The following PSMB1 variants were observed in gnomAD, a reference collection of about 807,000 sequenced individuals.
PSMB1 encodes the protein proteasome 20S subunit beta 1, also known as proteasome subunit beta type-1.
In PSMB1, 7 loss-of-function variants were observed where a neutral mutation model predicts 25.4. The ratio of observed to expected loss-of-function variants is 0.28; its 90% CI spans 0.16 to 0.52. The LOEUF (loss-of-function observed/expected upper bound fraction) is 0.52, where lower values mean the gene tolerates loss of function less well. Ranked by LOEUF, PSMB1 falls within the 20% of genes least tolerant of loss-of-function variation. PSMB1 has a pLI of 0.97. For synonymous variants in PSMB1, 119 were observed against 115.0 expected (o/e 1.03, Z -0.22); for missense variants, 284 against 302.2 (o/e 0.94, Z 0.45).
intron 4 of PSMB1, among the ~76,000 whole-genome samples, chr6:170,541,435 T>C (rs1009791171): frequency 1.2e-4 from 19 of 152,260 alleles, no homozygotes; most frequent in Non-Finnish European, 2.8e-4. Context: ...AAAAGTGTAA[T>C]GTGTTAAAGG....
chr6:170,543,530 T>C, intron 4 of PSMB1, 71 bp downstream of exon 4: 1 of 1,397,088 alleles, frequency 7.2e-7, no homozygotes, highest in South Asian at 1.4e-5. Context: ...TTTTCAACTC[T>C]AGATGGATAC....
chr6:170,542,280 T>A (rs765725656), intron 4 of PSMB1, among the ~76,000 whole-genome samples: 3 of 152,160 alleles, frequency 2.0e-5, no homozygotes, highest in Non-Finnish European at 4.4e-5. Context: ...AAAACGCTCA[T>A]GGAACAGAAA....
At chr6:170,552,202 C>A (rs904805375) in intron 1 of PSMB1, among the ~76,000 whole-genome samples, 41 of 152,202 alleles carry the variant, frequency 2.7e-4, no homozygotes, top group African/African-American at 9.7e-4. Flanking sequence ...CAGGTGCGAG[C>A]CACACTGCCC....
At chr6:170,536,007 G>A (rs1469900307) in intron 5 of PSMB1, among the ~76,000 whole-genome samples, 5 of 152,162 alleles carry the variant, frequency 3.3e-5, no homozygotes, top group African/African-American at 4.8e-5. Context: ...CAGAAAGGAT[G>A]TTAGGAAATA....
At chr6:170,543,521 T>C in intron 4 of PSMB1, 80 bp downstream of exon 4, 1 of 1,318,660 alleles carries the variant, frequency 7.6e-7, no homozygotes, top group Non-Finnish European at 1.0e-6. Flanking sequence ...TTATGGTTCT[T>C]TTCAACTCTA....
intron 4 of PSMB1, among the ~76,000 whole-genome samples, chr6:170,538,046 A>T (rs775747749): frequency 6.6e-6 from 1 of 152,202 alleles, no homozygotes; most frequent in Non-Finnish European, 1.5e-5. Context: ...GAATAAGAAA[A>T]CTATTTGTAC....
intron 4 of PSMB1, among the ~76,000 whole-genome samples, chr6:170,540,639 CAT>C (rs1272735443): frequency 1.8e-5 from 2 of 112,474 alleles, no homozygotes; most frequent in Admixed American, 8.8e-5. Flanking sequence ...AAGCCTCTAA[CAT>C]AGAAGACAGA....
At position 170,536,409 on chromosome 6, in the gene PSMB1, C is replaced by T. The variant is rs1038363177; in HGVS notation, c.540+825G>A. The T allele has an allele frequency of 6.6e-6, 3 of 453,378 alleles. No individual in the cohort carries two copies. The Admixed American group carries it at 7.2e-5, about 11-fold the overall frequency. 28.1% of individuals were successfully genotyped at this position (453,378 alleles called of 1,614,324 possible). ...ATTATAAACCTTAAATAACAAGTGG[C>T]CCAAACAAAGCACTATTAGTGATGC... On this transcript the variant is annotated intron_variant, in intron 5 of 5. Transcript: ENST00000262193.
Position 170,553,251 on chromosome 6 carries a change from T to C in PSMB1, c.-9A>G. 1 of 1,591,118 alleles carries C rather than the reference T, an allele frequency of 6.3e-7. No homozygotes were observed. On this transcript the variant is annotated 5_prime_UTR_variant, in exon 1 of 6. Coordinates refer to ENST00000262193, the MANE Select transcript of PSMB1 (RefSeq NM_002793.4). ...GCTGTAGAGGACAACATCGCACGGC[T>C]GCGCCTGCGGATCCGACACTTGCTG...
rs61116403 is a variant in PSMB1 at position 170,543,465 on chromosome 6, T to C, written c.433+136A>G. 645 of 954,336 alleles carry C rather than the reference T, an allele frequency of 6.8e-4. 2 individuals are homozygous for C. The highest frequency in any genetic ancestry group is 8.4e-4 in the Non-Finnish European group (568 of 674,288). The allele number at this position is 954,336 out of a possible 1,614,324, so 59.1% of individuals were successfully genotyped here. ...TCATACATTAGCTTCAGTTTCTTCATCACTTTCATTATCAGAAATGAAATG... is the reference window on the plus strand; with the variant it reads ...TCATACATTAGCTTCAGTTTCTTCACCACTTTCATTATCAGAAATGAAATG... On this transcript the variant is annotated intron_variant, in intron 4 of 5. Transcript: ENST00000262193.
intron 1 of PSMB1, among the ~76,000 whole-genome samples, chr6:170,551,880 T>C (rs1778907710): frequency 6.6e-6 from 1 of 152,200 alleles, no homozygotes. Context: ...AATGCATCTC[T>C]CTTGATTCTC....
chr6:170,535,451 A>C (rs1263666461), intron 5 of PSMB1, 46 bp from the exon 6 acceptor site: 2 of 1,523,048 alleles, frequency 1.3e-6, no homozygotes, highest in Non-Finnish European at 1.8e-6. Flanking sequence ...GACAGTGAGC[A>C]CAAAGGAAAG....
intron 4 of PSMB1, among the ~76,000 whole-genome samples, chr6:170,537,542 T>G (rs1406856101): frequency 6.6e-6 from 1 of 152,092 alleles, no homozygotes; most frequent in African/African-American, 2.4e-5. Flanking sequence ...CAGAACCCAG[T>G]CACCATTGCA....
chr6:170,551,778 A>C (rs550881529), intron 1 of PSMB1, among the ~76,000 whole-genome samples: 1 of 152,232 alleles, frequency 6.6e-6, no homozygotes, highest in Non-Finnish European at 1.5e-5. Context: ...TGACCCTGAC[A>C]GTTTAACGTC....
At chr6:170,552,352 T>C (rs1167182960) in intron 1 of PSMB1, among the ~76,000 whole-genome samples, 2 of 152,240 alleles carry the variant, frequency 1.3e-5, no homozygotes, top group African/African-American at 2.4e-5. Context: ...ACAGAGCATC[T>C]TTCTATAACC....
chr6:170,540,588 C>CA (rs5881872), intron 4 of PSMB1, among the ~76,000 whole-genome samples: 2,591 of 61,098 alleles, frequency 0.042, 157 homozygotes, highest in Middle Eastern at 0.069. Flanking sequence ...GAATGGACAG[C>CA]AAAAAAAAAA....
intron 1 of PSMB1, among the ~76,000 whole-genome samples, chr6:170,550,682 G>C (rs1002181081): frequency 1.1e-4 from 16 of 152,182 alleles, no homozygotes; most frequent in African/African-American, 3.9e-4. Context: ...TAATGCAATA[G>C]TAAGGTAGCA....
chr6:170,552,875 T>C (rs977322747), intron 1 of PSMB1, among the ~76,000 whole-genome samples: 2 of 152,194 alleles, frequency 1.3e-5, no homozygotes, highest in African/African-American at 4.8e-5. Context: ...TCAAATGACA[T>C]GACTGTAATG....
chr6:170,545,563 CCT>C (rs1554243924), intron 3 of PSMB1, among the ~76,000 whole-genome samples: 5 of 152,094 alleles, frequency 3.3e-5, no homozygotes, highest in Non-Finnish European at 7.4e-5. Flanking sequence ...TGTGATCACC[CCT>C]GACTTCTGGC....
Sources: allele counts gnomAD v4.1 joint callset (sites outside exome capture counted in the v4.1 genomes callset), GRCh38; gene constraint gnomAD v4.1.1; transcripts MANE v1.5; gene names NCBI Gene and HGNC (gene_info 2026-07-23, HGNC 2026-07-21).